The following ITGA9 variants were observed in gnomAD, a reference collection of about 807,000 sequenced individuals.
The protein encoded by ITGA9 is integrin alpha-9.
ITGA9 carries 56 observed loss-of-function variants against 127.8 expected under a neutral mutation model. The ratio of observed to expected loss-of-function variants is 0.44; its 90% CI spans 0.35 to 0.55. The LOEUF is 0.55. Ranked by LOEUF, ITGA9 falls within the 20% of genes least tolerant of loss-of-function variation. The pLI is 0.00. For missense variants in ITGA9, 1,196 were observed against 1,347.1 expected (o/e 0.89, Z 1.76); for synonymous variants, 508 against 514.5 (o/e 0.99, Z 0.17).
At chr3:37,619,626 G>A (rs1353708122) in intron 15 of ITGA9, among the ~76,000 whole-genome samples, 1 of 152,198 alleles carries the variant, frequency 6.6e-6, no homozygotes, top group Non-Finnish European at 1.5e-5. Context: ...TACAAATTTA[G>A]CAGCTTAAAA....
chr3:37,519,276 A>T lies in ITGA9; in HGVS notation c.1158A>T (p.Ala386=). ...TACCCTCAGATGTGGCCATTGGTGCACCCAAGGAGGATGACTTCGCAGGGG... is the reference window on the plus strand; with the variant it reads ...TACCCTCAGATGTGGCCATTGGTGCTCCCAAGGAGGATGACTTCGCAGGGG... ...NDGFPDVAIG[A]PKEDDFAGAV... The change falls in exon 11 of 28, where the codon GCA becomes GCT. Residue 386 remains alanine, a synonymous_variant. Coordinates refer to ENST00000264741, the MANE Select transcript of ITGA9 (RefSeq NM_002207.3). The T allele has an allele frequency of 6.2e-7, 1 of 1,614,066 alleles. No homozygotes were observed. Among genetic ancestry groups the T allele is most frequent in the Non-Finnish European group, 8.5e-7 (1 of 1,179,966 alleles).
intron 15 of ITGA9, among the ~76,000 whole-genome samples, chr3:37,611,727 T>C (rs926763303): frequency 1.3e-5 from 2 of 152,092 alleles, no homozygotes; most frequent in African/African-American, 2.4e-5. Flanking sequence ...TTCAGGATTT[T>C]CACACACCAC....
At chr3:37,744,790 A>C (rs1306213376) in intron 22 of ITGA9, among the ~76,000 whole-genome samples, 4 of 152,264 alleles carry the variant, frequency 2.6e-5, no homozygotes, top group African/African-American at 9.6e-5. Flanking sequence ...ACAAAATTTT[A>C]GTTCCTTATA....
intron 18 of ITGA9, among the ~76,000 whole-genome samples, chr3:37,727,850 G>T (rs1696234054): frequency 6.6e-6 from 1 of 152,088 alleles, no homozygotes; most frequent in Non-Finnish European, 1.5e-5. Flanking sequence ...GGAGAATTTT[G>T]ACTCCTTCAA....
rs1699881807 is a variant in ITGA9 at position 37,597,653 on chromosome 3, G to C, written c.1690-31534G>C. 6.6e-6 allele frequency among the ~76,000 whole-genome samples: 1 copy of C among 152,214 alleles called. No individual in the cohort carries two copies. Among genetic ancestry groups the C allele is most frequent in the Non-Finnish European group, 1.5e-5 (1 of 68,038 alleles). On this transcript the variant is annotated intron_variant, in intron 15 of 27. Coordinates refer to ENST00000264741, the MANE Select transcript of ITGA9 (RefSeq NM_002207.3). The surrounding 1 kb of genome is among the most constrained non-coding windows in gnomAD (Gnocchi z 4.6). The stretch of plus-strand genomic sequence containing the variant: ...GTGTTTTAAATAAGGTATATAGTGA[G>C]AAAAGTGAGCATTGGAGTCTATTTC...
At chr3:37,492,568 A>C (rs1449895051) in intron 4 of ITGA9, among the ~76,000 whole-genome samples, 2 of 152,206 alleles carry the variant, frequency 1.3e-5, no homozygotes, top group African/African-American at 4.8e-5. Context: ...TGAAGTTCTC[A>C]AATCTCCCAT....
chr3:37,694,644 C>T (rs150561265), intron 18 of ITGA9, among the ~76,000 whole-genome samples: 8 of 152,300 alleles, frequency 5.3e-5, no homozygotes, highest in East Asian at 3.9e-4. Context: ...TTCCCAGAGC[C>T]GCAAGACTTG....
At chr3:37,701,894 G>T (rs1342162897) in intron 18 of ITGA9, among the ~76,000 whole-genome samples, 1 of 152,182 alleles carries the variant, frequency 6.6e-6, no homozygotes, top group East Asian at 1.9e-4. Context: ...TTAAATACAG[G>T]CCTCCAACCA....
At position 37,631,833 on chromosome 3, in the gene ITGA9, C is replaced by T. The variant is rs147370401; in HGVS notation, c.1839+2497C>T. 6.2e-4 allele frequency among the ~76,000 whole-genome samples: 95 copies of T among 152,272 alleles called. 1 individual carries two copies. In the East Asian group the frequency reaches 0.018, roughly 28 times the overall value. ...AGAGTTGACTTTTCACCATTGTCCC[C>T]ACCCCTACAGGCTTCAGGCATGCAG... is the stretch of plus-strand genomic sequence containing the variant. On this transcript the variant is annotated intron_variant, in intron 16 of 27. Transcript: ENST00000264741.
At chr3:37,705,170 G>C (rs1321854029) in intron 18 of ITGA9, among the ~76,000 whole-genome samples, 2 of 152,180 alleles carry the variant, frequency 1.3e-5, no homozygotes, top group Non-Finnish European at 2.9e-5. Flanking sequence ...TGTGTTAACA[G>C]GTATTAAGTA....
At chr3:37,527,663 GTGC>G (rs1699106888) in intron 13 of ITGA9, among the ~76,000 whole-genome samples, 1 of 152,146 alleles carries the variant, frequency 6.6e-6, no homozygotes, top group Non-Finnish European at 1.5e-5. Flanking sequence ...GCTCTAGTTG[GTGC>G]TTTCATGATG....
chr3:37,601,855 G>C (rs560173284), intron 15 of ITGA9, among the ~76,000 whole-genome samples: 1 of 152,178 alleles, frequency 6.6e-6, no homozygotes, highest in Non-Finnish European at 1.5e-5. Context: ...GGTTCTGCAG[G>C]GTGTACAAGA....
At chr3:37,511,386 T>C (rs1002988127) in intron 8 of ITGA9, among the ~76,000 whole-genome samples, 11 of 152,240 alleles carry the variant, frequency 7.2e-5, no homozygotes, top group Non-Finnish European at 1.6e-4. Context: ...ATTGAAGTTT[T>C]ATTGAATTAA....
At chr3:37,755,722 A>G (rs908743808) in intron 23 of ITGA9, among the ~76,000 whole-genome samples, 7 of 152,232 alleles carry the variant, frequency 4.6e-5, no homozygotes, top group African/African-American at 1.4e-4. Flanking sequence ...TTTTTTAAAT[A>G]GCAATCTGGA....
chr3:37,708,490 C>T (rs1297215039), intron 18 of ITGA9, among the ~76,000 whole-genome samples: 1 of 152,194 alleles, frequency 6.6e-6, no homozygotes, highest in African/African-American at 2.4e-5. Flanking sequence ...CTATCTACCC[C>T]AACCTCTGAG....
At chr3:37,738,576 A>G (rs1215716446) in intron 20 of ITGA9, among the ~76,000 whole-genome samples, 1 of 152,208 alleles carries the variant, frequency 6.6e-6, no homozygotes, top group Admixed American at 6.5e-5. Context: ...GCACAGTGCA[A>G]CAGCTTGGCC....
chr3:37,635,415 G>A (rs1700267934), intron 16 of ITGA9, among the ~76,000 whole-genome samples: 1 of 152,114 alleles, frequency 6.6e-6, no homozygotes, highest in African/African-American at 2.4e-5. Flanking sequence ...AAATTGATGA[G>A]TCAAGAGATT....
At chr3:37,670,932 G>A (rs1700631538) in intron 17 of ITGA9, among the ~76,000 whole-genome samples, 1 of 152,204 alleles carries the variant, frequency 6.6e-6, no homozygotes, top group Admixed American at 6.5e-5. Flanking sequence ...TGCTAACCTG[G>A]GCTTTCTTGA....
At chr3:37,542,686 C>A in intron 15 of ITGA9, 101 bp downstream of exon 15, 3 of 1,260,450 alleles carry the variant, frequency 2.4e-6, no homozygotes, top group Non-Finnish European at 3.4e-6. Context: ...TGTGCTCTTC[C>A]AAAATTTTAT....
Sources: gnomAD v4.1 joint callset for allele counts (sites outside exome capture counted in the v4.1 genomes callset) on GRCh38, gnomAD v4.1.1 for gene constraint, Gnocchi (gnomAD v3.1) non-coding constraint, MANE v1.5 for transcripts, NCBI Gene and HGNC (gene_info 2026-07-23, HGNC 2026-07-21) for gene names.